PCCA: variants seen among roughly 807,000 people sequenced by gnomAD.
PCCA encodes propionyl-CoA carboxylase alpha chain, mitochondrial.
PCCA carries 74 observed loss-of-function variants against 101.3 expected under a neutral mutation model. The observed-to-expected ratio is 0.73, with a 90% CI of 0.61 to 0.89. The LOEUF is 0.89. PCCA is among the 40% of genes least tolerant of loss of function. PCCA has a pLI of 0.00. For synonymous variants in PCCA, 294 were observed against 313.6 expected (o/e 0.94, Z 0.66); for missense variants, 891 against 907.0 (o/e 0.98, Z 0.23).
At chr13:100,270,184 G>A (rs2063214027) in intron 11 of PCCA, among the ~76,000 whole-genome samples, 1 of 152,234 alleles carries the variant, frequency 6.6e-6, no homozygotes, top group African/African-American at 2.4e-5. Flanking sequence ...TCCTCTTCCT[G>A]TGTCTTTAGG....
At chr13:100,299,787 C>T (rs578026479) in intron 12 of PCCA, among the ~76,000 whole-genome samples, 3 of 152,144 alleles carry the variant, frequency 2.0e-5, no homozygotes, top group Non-Finnish European at 4.4e-5. Flanking sequence ...GCAATCTCGG[C>T]TCACTACAGC....
chr13:100,116,416 A>T (rs910563226), intron 4 of PCCA, among the ~76,000 whole-genome samples: 20 of 152,202 alleles, frequency 1.3e-4, no homozygotes, highest in African/African-American at 3.9e-4. Context: ...ATATCAACTA[A>T]TAAGTCACAC....
chr13:100,213,212 T>G (rs908218679), intron 7 of PCCA, among the ~76,000 whole-genome samples: 3 of 152,212 alleles, frequency 2.0e-5, no homozygotes, highest in South Asian at 4.1e-4. Context: ...AGTGTAGATA[T>G]CTCTTTGATA....
In PCCA at chr13:100,320,625, A is replaced by C. The variant is rs377650349; in HGVS notation, c.1430-9936A>C. ...TGGTTCTGTTTATATGCTGGATTAC[A>C]TTTATTGATTTGCATATGTTGAACC... On this transcript the variant is annotated intron_variant, in intron 16 of 23. Coordinates refer to ENST00000376285, the MANE Select transcript of PCCA (RefSeq NM_000282.4). 3.2e-4 allele frequency among the ~76,000 whole-genome samples: 48 copies of C among 152,272 alleles called. No homozygotes were observed. In the East Asian group the frequency reaches 5.0e-3, roughly 16 times the overall value.
intron 6 of PCCA, among the ~76,000 whole-genome samples, chr13:100,186,257 T>C (rs982714533): frequency 6.6e-6 from 1 of 152,216 alleles, no homozygotes; most frequent in African/African-American, 2.4e-5. Context: ...TATTCAATGA[T>C]CTGGATATGG....
chr13:100,166,377 C>T (rs186541505), intron 6 of PCCA, among the ~76,000 whole-genome samples: 67 of 152,276 alleles, frequency 4.4e-4, no homozygotes, highest in Non-Finnish European at 7.8e-4. Flanking sequence ...TGCAGTGGCA[C>T]AACTTCCGCC....
At chr13:100,135,419 G>A (rs2051041485) in intron 4 of PCCA, among the ~76,000 whole-genome samples, 1 of 152,034 alleles carries the variant, frequency 6.6e-6, no homozygotes. Context: ...TTAGGCCGGT[G>A]ACAGAGTGAG....
chr13:100,102,362 A>AATGAATGAG (rs2047357793), intron 1 of PCCA, among the ~76,000 whole-genome samples: 1 of 152,214 alleles, frequency 6.6e-6, no homozygotes, highest in South Asian at 2.1e-4. Flanking sequence ...CAAACAGTTC[A>AATGAATGAG]ATGAATGAGA....
chr13:100,353,591 A>T (rs913250627), intron 18 of PCCA, among the ~76,000 whole-genome samples: 1 of 152,174 alleles, frequency 6.6e-6, no homozygotes, highest in African/African-American at 2.4e-5. Context: ...ACATCACAAC[A>T]TCTAAAAACG....
At chr13:100,225,495 A>G (rs561419364) in intron 7 of PCCA, among the ~76,000 whole-genome samples, 1 of 152,332 alleles carries the variant, frequency 6.6e-6, no homozygotes, top group Non-Finnish European at 1.5e-5. Context: ...CTAATTGGCC[A>G]GACTTTAAAA....
At chr13:100,184,331 A>G (rs991595698) in intron 6 of PCCA, among the ~76,000 whole-genome samples, 1 of 152,166 alleles carries the variant, frequency 6.6e-6, no homozygotes, top group African/African-American at 2.4e-5. Context: ...GCTCATATAT[A>G]TTTGTTTAAT....
Position 100,341,973 on chromosome 13 carries a change from A to ATATATATATG in PCCA, c.1643+1718_1643+1727dup, listed in dbSNP as rs1555426205. ...CCCTTCAAAGTATATATATATATAT[A>ATATATATATG]TATATATATGTATTTATGTGTGTGT... On this transcript the variant is annotated intron_variant, in intron 18 of 23. Transcript: ENST00000376285. Among the ~76,000 whole-genome samples the ATATATATATG allele has an allele frequency of 8.4e-4, 101 of 120,910 alleles. 1 individual carries two copies. The highest frequency in any genetic ancestry group is 1.3e-3 in the Non-Finnish European group (77 of 58,302). The allele number at this position is 120,910 out of a possible 152,430, so 79.3% of individuals were successfully genotyped here.
At chr13:100,231,493 A>G (rs1029410382) in intron 7 of PCCA, among the ~76,000 whole-genome samples, 1 of 152,180 alleles carries the variant, frequency 6.6e-6, no homozygotes, top group African/African-American at 2.4e-5. Context: ...TTTTGAGGCA[A>G]TGGGATGTCA....
In PCCA at chr13:100,524,852, A is replaced by G. The variant is rs2087623039; in HGVS notation, c.2041-2823A>G. Reference sequence around the variant, plus strand: ...GTGCCGCTGCACTCCAGCCTGGGCAACAGACCGAGATTCTGTCTCTAAGAT... The same window carrying G: ...GTGCCGCTGCACTCCAGCCTGGGCAGCAGACCGAGATTCTGTCTCTAAGAT... On this transcript the variant is annotated intron_variant, in intron 22 of 23. Transcript: ENST00000376285. 2.0e-5 allele frequency among the ~76,000 whole-genome samples: 3 copies of G among 152,334 alleles called. No individual in the cohort carries two copies. In the South Asian group the frequency reaches 6.2e-4, roughly 32 times the overall value.
chr13:100,118,884 CAA>C (rs1319613904), intron 4 of PCCA, among the ~76,000 whole-genome samples: 1 of 150,770 alleles, frequency 6.6e-6, no homozygotes. Flanking sequence ...AATATCATAA[CAA>C]GAGGTTCTTA....
At chr13:100,301,666 A>G (rs2066070251) in intron 13 of PCCA, 63 bp downstream of exon 13, 5 of 1,565,376 alleles carry the variant, frequency 3.2e-6, no homozygotes, top group South Asian at 1.1e-5. Flanking sequence ...GACCTGGTAT[A>G]GCCAAACAAT....
intron 17 of PCCA, among the ~76,000 whole-genome samples, chr13:100,337,175 G>T (rs144255378): frequency 1.3e-5 from 2 of 152,296 alleles, no homozygotes; most frequent in East Asian, 3.9e-4. Flanking sequence ...AAAAGGAGCT[G>T]CCCTCATGGG....
At chr13:100,280,916 C>T (rs1364081987) in intron 12 of PCCA, among the ~76,000 whole-genome samples, 2 of 152,004 alleles carry the variant, frequency 1.3e-5, no homozygotes, top group African/African-American at 4.8e-5. Context: ...GAAGCTACCT[C>T]ACTGCAATGA....
At chr13:100,429,738 C>G (rs1157272602) in intron 20 of PCCA, among the ~76,000 whole-genome samples, 1 of 151,822 alleles carries the variant, frequency 6.6e-6, no homozygotes, top group Non-Finnish European at 1.5e-5. Context: ...TCTGGAGTAG[C>G]TGGGATTACA....
Sources: allele counts gnomAD v4.1 joint callset (sites outside exome capture counted in the v4.1 genomes callset), GRCh38; gene constraint gnomAD v4.1.1; transcripts MANE v1.5; gene names NCBI Gene and HGNC (gene_info 2026-07-23, HGNC 2026-07-21).